SHISA6: variants seen among roughly 807,000 people sequenced by gnomAD.
The protein encoded by SHISA6 is protein shisa-6.
Under a neutral mutation model 47.9 loss-of-function variants are expected in SHISA6, and 22 were observed. The observed-to-expected ratio is 0.46, with a 90% CI of 0.33 to 0.66. SHISA6 has a LOEUF of 0.66. Ranked by LOEUF, SHISA6 falls within the 30% of genes least tolerant of loss-of-function variation. The pLI, the probability that SHISA6 is intolerant of heterozygous loss-of-function variation, is 0.02. For missense variants in SHISA6, 680 were observed against 764.6 expected, an observed-to-expected ratio of 0.89 and a Z score of 1.30; for synonymous variants, 388 against 337.8, an observed-to-expected ratio of 1.15 and a Z score of -1.63.
At chr17:11,556,198 A>C (rs1019327) in intron 5 of SHISA6, among the ~76,000 whole-genome samples, 61,127 of 151,638 alleles carry the variant, frequency 0.4, 12,767 homozygotes, top group African/African-American at 0.51. Context: ...CCCGCACGCA[A>C]CTGCCTTCTT....
chr17:11,481,433 G>A (rs1916217054), intron 3 of SHISA6, among the ~76,000 whole-genome samples: 2 of 149,734 alleles, frequency 1.3e-5, no homozygotes, highest in South Asian at 4.2e-4. Context: ...TGAAGTAGAA[G>A]AGACTATATG....
intron 2 of SHISA6, among the ~76,000 whole-genome samples, chr17:11,297,278 G>A (rs909573704): frequency 6.6e-6 from 1 of 152,142 alleles, no homozygotes; most frequent in African/African-American, 2.4e-5. Flanking sequence ...GTATTAATTA[G>A]TATATAGGTT....
chr17:11,491,768 G>GTTTTTTTTTTT (rs768280409), intron 3 of SHISA6, among the ~76,000 whole-genome samples: 3 of 107,936 alleles, frequency 2.8e-5, no homozygotes, highest in African/African-American at 3.3e-5. Context: ...AGCTGGTGAA[G>GTTTTTTTTTTT]TGTTTTTTTT....
chr17:11,275,129 G>A (rs182907661), intron 2 of SHISA6, among the ~76,000 whole-genome samples: 1 of 152,146 alleles, frequency 6.6e-6, no homozygotes, highest in East Asian at 1.9e-4. Context: ...TAGTGTGGAA[G>A]GCTGCTCTGA....
At chr17:11,373,470 T>G (rs1912693756) in intron 2 of SHISA6, among the ~76,000 whole-genome samples, 1 of 152,152 alleles carries the variant, frequency 6.6e-6, no homozygotes, top group Non-Finnish European at 1.5e-5. Flanking sequence ...AACAGAGAAG[T>G]ACCTTTTATA....
intron 2 of SHISA6, among the ~76,000 whole-genome samples, chr17:11,327,082 G>A (rs1910921072): frequency 6.6e-6 from 1 of 152,180 alleles, no homozygotes; most frequent in Non-Finnish European, 1.5e-5. Context: ...GGAACCATCC[G>A]ATAGAGACTG....
chr17:11,244,700 G>A (rs898826928), intron 1 of SHISA6, among the ~76,000 whole-genome samples: 1 of 152,212 alleles, frequency 6.6e-6, no homozygotes, highest in African/African-American at 2.4e-5. Context: ...GGAGGAGAAA[G>A]AATGTACACT....
intron 2 of SHISA6, among the ~76,000 whole-genome samples, chr17:11,292,472 T>A (rs1421807224): frequency 1.3e-5 from 2 of 152,132 alleles, no homozygotes; most frequent in African/African-American, 4.8e-5. Context: ...TAATTAATTT[T>A]AAAAATATAC....
At chr17:11,393,372 C>T (rs951137682) in intron 3 of SHISA6, among the ~76,000 whole-genome samples, 2 of 152,182 alleles carry the variant, frequency 1.3e-5, no homozygotes, top group Non-Finnish European at 2.9e-5. Context: ...CTAGTCTGTA[C>T]CTCCTCTGCT....
chr17:11,548,543 C>T (rs1257334858), intron 3 of SHISA6, among the ~76,000 whole-genome samples: 7 of 151,642 alleles, frequency 4.6e-5, no homozygotes, highest in Non-Finnish European at 1.0e-4. Context: ...CAGTAATAGA[C>T]AAGTGAATCG....
chr17:11,372,534 G>A (rs1002833298), intron 2 of SHISA6, among the ~76,000 whole-genome samples: 2 of 151,568 alleles, frequency 1.3e-5, no homozygotes, highest in Non-Finnish European at 2.9e-5. Context: ...TTTTCTTTCC[G>A]TGTGTAGTGG....
At chr17:11,499,683 C>CTTTCTTTCTTTCTTTCT (rs1453364830) in intron 3 of SHISA6, among the ~76,000 whole-genome samples, 2 of 127,564 alleles carry the variant, frequency 1.6e-5, no homozygotes, top group African/African-American at 6.2e-5. Flanking sequence ...CTTTTTCTTT[C>CTTTCTTTCTTTCTTTCT]TTTTTTTTTT....
intron 1 of SHISA6, among the ~76,000 whole-genome samples, chr17:11,253,160 G>A (rs941114302): frequency 1.3e-5 from 2 of 152,126 alleles, no homozygotes; most frequent in Non-Finnish European, 2.9e-5. Context: ...ATCTGTCCTT[G>A]TTTTGATTCC....
chr17:11,316,671 C>T (rs1037912142), intron 2 of SHISA6, among the ~76,000 whole-genome samples: 7 of 152,046 alleles, frequency 4.6e-5, no homozygotes, highest in Admixed American at 2.0e-4. Flanking sequence ...TCGCCCACCT[C>T]GGCCTCCCAA....
At chr17:11,393,065 TA>T (rs1248905872) in intron 3 of SHISA6, among the ~76,000 whole-genome samples, 2 of 152,256 alleles carry the variant, frequency 1.3e-5, no homozygotes, top group Non-Finnish European at 2.9e-5. Flanking sequence ...TCTGTCATCT[TA>T]GCCTTTTCTT....
At chr17:11,298,662 G>A (rs1461647259) in intron 2 of SHISA6, among the ~76,000 whole-genome samples, 1 of 152,194 alleles carries the variant, frequency 6.6e-6, no homozygotes, top group East Asian at 1.9e-4. Flanking sequence ...TGTTTGCCAT[G>A]ATGATTCTGA....
intron 2 of SHISA6, among the ~76,000 whole-genome samples, chr17:11,265,913 T>A (rs1908407752): frequency 6.6e-6 from 1 of 152,204 alleles, no homozygotes; most frequent in Non-Finnish European, 1.5e-5. Flanking sequence ...AGTTACATGA[T>A]TCACTTCTAT....
intron 4 of SHISA6, among the ~76,000 whole-genome samples, chr17:11,554,516 C>T (rs924049506): frequency 3.9e-5 from 6 of 152,176 alleles, no homozygotes; most frequent in Non-Finnish European, 5.9e-5. Flanking sequence ...CTGCTTTCCA[C>T]GTTTCCACAC....
At chr17:11,533,583 C>CATT (rs372799855) in intron 3 of SHISA6, among the ~76,000 whole-genome samples, 41 of 118,204 alleles carry the variant, frequency 3.5e-4, no homozygotes, top group Non-Finnish European at 4.5e-4. Context: ...GCTTCCCTTT[C>CATT]ATTATTTTTT....
Sources: allele counts gnomAD v4.1 joint callset (sites outside exome capture counted in the v4.1 genomes callset), GRCh38; gene constraint gnomAD v4.1.1; transcripts MANE v1.5; gene names NCBI Gene and HGNC (gene_info 2026-07-23, HGNC 2026-07-21).